Variants in ISM1 observed in about 807,000 individuals in gnomAD.
The protein encoded by ISM1 is isthmin-1.
Under a neutral mutation model 46.3 loss-of-function variants are expected in ISM1, and 25 were observed. The observed-to-expected ratio is 0.54, with a 90% CI of 0.39 to 0.75. The LOEUF is 0.75. ISM1 is among the 30% of genes least tolerant of loss of function. ISM1 has a pLI of 0.00. For missense variants in ISM1, 536 were observed against 625.4 expected (o/e 0.86, Z 1.52); for synonymous variants, 255 against 256.7 (o/e 0.99, Z 0.06).
chr20:13,275,761 G>A (rs139471136), intron 2 of ISM1, among the ~76,000 whole-genome samples: 15 of 152,304 alleles, frequency 9.8e-5, no homozygotes, highest in African/African-American at 2.4e-4. Context: ...ATAGATGCTC[G>A]TTGGTGATGA....
At chr20:13,270,921 G>A (rs898704303) in intron 2 of ISM1, among the ~76,000 whole-genome samples, 178 bp downstream of exon 2, 5 of 152,134 alleles carry the variant, frequency 3.3e-5, no homozygotes, top group African/African-American at 1.2e-4. Context: ...TGACACCCTT[G>A]ATTGTGAGAT....
At position 13,298,969 on chromosome 20, in the gene ISM1, G is replaced by A. The variant is rs1339481514; in HGVS notation, c.905G>A (p.Ser302Asn). The part of the protein sequence containing the change: ...VDTDSCERWM[S>N]CKSEFLKKYM... ...ACAGACAGCTGTGAGCGCTGGATGA[G>A]CTGCAAAAGCGAGTTCTTAAAGAAG... The change falls in exon 6 of 6, where the codon AGC becomes AAC. Residue 302 changes from serine to asparagine, a missense_variant. Transcript: ENST00000262487. The A allele has an allele frequency of 1.9e-6, 3 of 1,613,476 alleles. No homozygotes were observed. Among genetic ancestry groups the A allele is most frequent in the African/African-American group, 1.3e-5 (1 of 74,906 alleles).
intron 1 of ISM1, among the ~76,000 whole-genome samples, chr20:13,227,264 C>T (rs565405755): frequency 9.8e-4 from 149 of 152,106 alleles, no homozygotes; most frequent in African/African-American, 3.3e-3. Flanking sequence ...AGTGCAGTGG[C>T]GCTATCTTGG....
chr20:13,243,309 T>C (rs535192577), intron 1 of ISM1, among the ~76,000 whole-genome samples: 15 of 152,176 alleles, frequency 9.9e-5, no homozygotes, highest in Non-Finnish European at 2.1e-4. Context: ...GGCCCTGATG[T>C]CTTCTTAGCA....
In ISM1 at chr20:13,221,531, C is replaced by T. The variant is rs2039446588; in HGVS notation, c.-246C>T. Among the ~76,000 whole-genome samples, 1 of 144,808 alleles carries T rather than the reference C, an allele frequency of 6.9e-6. No individual in the cohort carries two copies. Among genetic ancestry groups the T allele is most frequent in the Non-Finnish European group, 1.5e-5 (1 of 65,112 alleles). 95.0% of individuals were successfully genotyped at this position (144,808 alleles called of 152,430 possible). ...CGCAGCCGGCTTGGACACCCCCGGC[C>T]TCGCGGTGGCTCCGCCGTGGTGCGG... On this transcript the variant is annotated 5_prime_UTR_variant, in exon 1 of 6. Transcript: ENST00000262487.
Position 13,294,350 on chromosome 20 carries a change from C to T in ISM1, c.877+1887C>T, listed in dbSNP as rs182439133. Among the ~76,000 whole-genome samples the T allele has an allele frequency of 8.1e-4, 123 of 152,282 alleles. 2 individuals carry two copies. In the East Asian group the frequency reaches 0.014, roughly 18 times the overall value. On this transcript the variant is annotated intron_variant, in intron 5 of 5. Transcript: ENST00000262487. ...TGATCAAATTGCATTTAACAGGAAC[C>T]GTCTGCAAATACAATGCATTTGACT...
chr20:13,300,978 C>T (rs2040453101), downstream of ISM1, among the ~76,000 whole-genome samples: 1 of 152,202 alleles, frequency 6.6e-6, no homozygotes, highest in Non-Finnish European at 1.5e-5. Flanking sequence ...AGTAGAACTA[C>T]TCATCATGAA....
chr20:13,267,318 C>T (rs114299080), intron 1 of ISM1, among the ~76,000 whole-genome samples: 6,457 of 152,232 alleles, frequency 0.042, 191 homozygotes, highest in South Asian at 0.11. Flanking sequence ...GGGGGCAGGG[C>T]GGTTCGGAGA....
At chr20:13,249,827 TTTG>T (rs1416618220) in intron 1 of ISM1, among the ~76,000 whole-genome samples, 19 of 138,446 alleles carry the variant, frequency 1.4e-4, no homozygotes, top group Admixed American at 5.8e-4. Flanking sequence ...TTTGTTTTGT[TTTG>T]TTTTGTTTCC....
At chr20:13,229,806 C>A (rs6109765) in intron 1 of ISM1, among the ~76,000 whole-genome samples, 3,685 of 152,174 alleles carry the variant, frequency 0.024, 138 homozygotes, top group African/African-American at 0.084. Context: ...CAATTGGTTG[C>A]CACTTGTTTC....
chr20:13,323,287 G>A, the ISM1 span, among the ~76,000 whole-genome samples: 2 of 152,174 alleles, frequency 1.3e-5, no homozygotes, highest in Admixed American at 1.3e-4. Flanking sequence ...GAAGACTAGG[G>A]ACTGGTCCAA....
rs532772925 is a variant in ISM1 at position 13,229,791 on chromosome 20, A to G, written c.138+7877A>G. Among the ~76,000 whole-genome samples the G allele has an allele frequency of 2.0e-5, 3 of 152,144 alleles. No individual in the cohort carries two copies. The South Asian group carries it at 6.2e-4, about 32-fold the overall frequency. On this transcript the variant is annotated intron_variant, in intron 1 of 5. Transcript: ENST00000262487. ...CCTTTTCTCACCTCTGTAGTGCTTC[A>G]CTTTCAATTGGTTGCCACTTGTTTC...
At chr20:13,265,724 G>A (rs1199936172) in intron 1 of ISM1, among the ~76,000 whole-genome samples, 2 of 152,026 alleles carry the variant, frequency 1.3e-5, no homozygotes, top group Non-Finnish European at 2.9e-5. Flanking sequence ...TACTTTCAAT[G>A]GCAAAACCTT....
intron 1 of ISM1, among the ~76,000 whole-genome samples, chr20:13,245,947 T>C (rs2039787791): frequency 6.6e-6 from 1 of 152,160 alleles, no homozygotes; most frequent in African/African-American, 2.4e-5. Flanking sequence ...CTCTTTCCGG[T>C]TGCAAAAATT....
chr20:13,293,050 A>G (rs2040369842), intron 5 of ISM1, among the ~76,000 whole-genome samples: 1 of 151,984 alleles, frequency 6.6e-6, no homozygotes, highest in African/African-American at 2.4e-5. Context: ...ATACAAAAAA[A>G]TTAGCTGGGC....
the ISM1 span, among the ~76,000 whole-genome samples, chr20:13,314,622 C>T: frequency 0.12 from 17,540 of 151,774 alleles, 1,172 homozygotes; most frequent in Admixed American, 0.18. Context: ...GCAAGAAATG[C>T]TAAAAGAAAT....
At chr20:13,221,961 T>A in intron 1 of ISM1, 47 bp downstream of exon 1, 1 of 1,301,924 alleles carries the variant, frequency 7.7e-7, no homozygotes, top group Non-Finnish European at 9.7e-7. Context: ...GGGGACGGTT[T>A]GTGGGGCGGG....
the ISM1 span, among the ~76,000 whole-genome samples, chr20:13,311,727 T>TA: frequency 3.9e-5 from 6 of 152,078 alleles, no homozygotes; most frequent in East Asian, 1.9e-4. Context: ...ATGTGGAATC[T>TA]AAAAAAATCA....
the ISM1 span, among the ~76,000 whole-genome samples, chr20:13,321,325 G>C: frequency 7.8e-6 from 1 of 127,922 alleles, no homozygotes; most frequent in East Asian, 2.3e-4. Context: ...TAGCAGTTTT[G>C]TCCACAGGGG....
Sources: gnomAD v4.1 joint callset for allele counts (sites outside exome capture counted in the v4.1 genomes callset) on GRCh38, gnomAD v4.1.1 for gene constraint, MANE v1.5 for transcripts, NCBI Gene and HGNC (gene_info 2026-07-23, HGNC 2026-07-21) for gene names.